Variants in ZNF609 observed in about 807,000 individuals in gnomAD.
ZNF609 encodes zinc finger protein 609.
In ZNF609, 11 loss-of-function variants were observed where a neutral mutation model predicts 109.5. The ratio of observed to expected loss-of-function variants is 0.10; its 90% confidence interval spans 0.06 to 0.17. ZNF609 has a LOEUF of 0.17. Ranked by LOEUF, ZNF609 falls within the 10% of genes least tolerant of loss-of-function variation. The pLI, the probability that ZNF609 is intolerant of heterozygous loss-of-function variation, is 1.00. For missense variants in ZNF609, 1,559 were observed against 1,772.4 expected (o/e 0.88, Z 2.16); for synonymous variants, 646 against 662.0 (o/e 0.98, Z 0.37).
At chr15:64,581,047 C>T (rs764972918) in intron 2 of ZNF609, among the ~76,000 whole-genome samples, 1 of 140,324 alleles carries the variant, frequency 7.1e-6, no homozygotes, top group Non-Finnish European at 1.5e-5. Flanking sequence ...ACGGGGGTCT[C>T]ACCATATTGC....
chr15:64,588,396 C>G lies in ZNF609; in HGVS notation c.748-34431C>G, dbSNP rs1189676424. Among the ~76,000 whole-genome samples the G allele has an allele frequency of 1.3e-4, 15 of 113,486 alleles. No individual in the cohort carries two copies. In the Admixed American group the frequency reaches 1.9e-3, roughly 15 times the overall value. 74.5% of individuals were successfully genotyped at this position (113,486 alleles called of 152,430 possible). On this transcript the variant is annotated intron_variant, in intron 2 of 9. Coordinates refer to ENST00000326648, the MANE Select transcript of ZNF609 (RefSeq NM_015042.2). ...TGAGCCAAGATTGCCCTACTGCACT[C>G]CAGCCTGCGTAACAGAGCGACACTC... is the stretch of plus-strand genomic sequence containing the variant.
chr15:64,606,810 C>T (rs1269603714), intron 2 of ZNF609, among the ~76,000 whole-genome samples: 1 of 151,702 alleles, frequency 6.6e-6, no homozygotes, highest in Non-Finnish European at 1.5e-5. Context: ...CGAGATCAGT[C>T]TGGCCAACAT....
rs10600562 is a variant in ZNF609, at chr15:64,602,889, A to ATTTTTTTTTTTTTTTT, written c.748-19924_748-19909dup. 4.3e-4 allele frequency among the ~76,000 whole-genome samples: 32 copies of ATTTTTTTTTTTTTTTT among 75,174 alleles called. 1 individual carries two copies. The highest frequency in any genetic ancestry group is 0.014 in the Middle Eastern group (1 of 72). The allele number at this position is 75,174 out of a possible 152,430, so 49.3% of individuals were successfully genotyped here. A position where few individuals can be genotyped will look rare whatever the true frequency, so the allele number is the denominator to read the frequency against. ...AGGTGCCTGCCACCACTCTGGGCTA[A>ATTTTTTTTTTTTTTTT]TTTTTTTTTTTTTTTTTTTTTTTTT... On this transcript the variant is annotated intron_variant, in intron 2 of 9. Transcript: ENST00000326648.
At chr15:64,484,050 CT>C (rs11290071) in intron 1 of ZNF609, among the ~76,000 whole-genome samples, 116,196 of 128,844 alleles carry the variant, frequency 0.9, 52,274 homozygotes, top group East Asian at 0.97. Flanking sequence ...AGTTTCTTTC[CT>C]TTTTTTTTTT....
chr15:64,596,617 A>G (rs1478702136), intron 2 of ZNF609, among the ~76,000 whole-genome samples: 1 of 152,028 alleles, frequency 6.6e-6, no homozygotes, highest in Admixed American at 6.6e-5. Flanking sequence ...CTCCCTTCTC[A>G]TTGTTCTCTT....
At chr15:64,572,679 G>T (rs1222186594) in intron 2 of ZNF609, among the ~76,000 whole-genome samples, 2 of 151,872 alleles carry the variant, frequency 1.3e-5, no homozygotes, top group African/African-American at 4.8e-5. Context: ...GTTCACCTGA[G>T]GTCGGGAGTT....
At chr15:64,463,237 A>G (rs565656248) in intron 1 of ZNF609, among the ~76,000 whole-genome samples, 2 of 152,196 alleles carry the variant, frequency 1.3e-5, no homozygotes, top group African/African-American at 2.4e-5. Flanking sequence ...TCAACAAAAA[A>G]TATAAAAAAT....
chr15:64,585,618 T>C (rs961311205), intron 2 of ZNF609, among the ~76,000 whole-genome samples: 1 of 152,190 alleles, frequency 6.6e-6, no homozygotes, highest in Non-Finnish European at 1.5e-5. Context: ...TCTCTTAATC[T>C]CTAGACTAGT....
chr15:64,612,408 C>T (rs980678666), intron 2 of ZNF609, among the ~76,000 whole-genome samples: 2 of 151,964 alleles, frequency 1.3e-5, no homozygotes, highest in Non-Finnish European at 1.5e-5. Context: ...CTCAGCCTCC[C>T]AAAGTGCTGG....
chr15:64,652,428 C>G (rs1346101742), intron 3 of ZNF609, among the ~76,000 whole-genome samples: 2 of 150,918 alleles, frequency 1.3e-5, no homozygotes, highest in African/African-American at 4.9e-5. Context: ...ACTCTGTCAC[C>G]CAGGCTGGAG....
intron 2 of ZNF609, among the ~76,000 whole-genome samples, chr15:64,618,361 C>G (rs1384042704): frequency 6.6e-6 from 1 of 152,148 alleles, no homozygotes; most frequent in African/African-American, 2.4e-5. Flanking sequence ...GGGGCTCCAA[C>G]CCCGGCAGTG....
chr15:64,582,676 CCTA>C, intron 2 of ZNF609, among the ~76,000 whole-genome samples: 1 of 151,450 alleles, frequency 6.6e-6, no homozygotes, highest in East Asian at 1.9e-4. Context: ...CTTAAGCAAT[CCTA>C]CATTTCCCTA....
At chr15:64,548,135 G>A (rs1382333721) in intron 2 of ZNF609, among the ~76,000 whole-genome samples, 1 of 152,120 alleles carries the variant, frequency 6.6e-6, no homozygotes, top group Non-Finnish European at 1.5e-5. Flanking sequence ...GCTATGCTGC[G>A]ATCCCTCAAC....
At chr15:64,667,998 A>G (rs1390438676) in intron 3 of ZNF609, among the ~76,000 whole-genome samples, 1 of 152,218 alleles carries the variant, frequency 6.6e-6, no homozygotes, top group Non-Finnish European at 1.5e-5. Flanking sequence ...CTGCCTCCTG[A>G]TTCATTATTA....
chr15:64,660,302 C>G (rs1020228429), intron 3 of ZNF609, among the ~76,000 whole-genome samples: 10 of 152,064 alleles, frequency 6.6e-5, no homozygotes, highest in African/African-American at 2.4e-4. Flanking sequence ...AGAGTTCATT[C>G]TGAGGCCAGA....
intron 8 of ZNF609, 131 bp downstream of exon 8, chr15:64,680,993 T>TG: frequency 1.0e-6 from 1 of 997,936 alleles, no homozygotes; most frequent in Non-Finnish European, 1.4e-6. Context: ...TTTTTTTTTT[T>TG]GAGCTTCTAA....
At chr15:64,523,478 A>T (rs1893922427) in intron 2 of ZNF609, among the ~76,000 whole-genome samples, 1 of 152,134 alleles carries the variant, frequency 6.6e-6, no homozygotes, top group South Asian at 2.1e-4. Context: ...AATCTTTGAA[A>T]ATCTGCTATA....
intron 2 of ZNF609, among the ~76,000 whole-genome samples, chr15:64,503,549 G>A (rs957078014): frequency 1.3e-5 from 2 of 152,156 alleles, no homozygotes; most frequent in African/African-American, 2.4e-5. Context: ...AGATGGCAAC[G>A]ATCTATCTGT....
At chr15:64,583,990 T>C (rs1001868236) in intron 2 of ZNF609, among the ~76,000 whole-genome samples, 3 of 152,246 alleles carry the variant, frequency 2.0e-5, no homozygotes, top group African/African-American at 7.2e-5. Flanking sequence ...CCATCTGCTT[T>C]CCAGTTCCCA....
Sources: gnomAD v4.1 joint callset for allele counts (sites outside exome capture counted in the v4.1 genomes callset) on GRCh38, gnomAD v4.1.1 for gene constraint, MANE v1.5 for transcripts, NCBI Gene and HGNC (gene_info 2026-07-23, HGNC 2026-07-21) for gene names.